The following RFX3 variants were observed in gnomAD, a reference collection of about 807,000 sequenced individuals.
RFX3 encodes the protein regulatory factor X3, also known as transcription factor RFX3.
In RFX3, 14 loss-of-function variants were observed where a neutral mutation model predicts 98.6. That is an observed-to-expected ratio of 0.14 (90% confidence interval 0.09 to 0.22). The LOEUF is 0.22. Ranked by LOEUF, RFX3 falls within the 10% of genes least tolerant of loss-of-function variation. RFX3 has a pLI of 1.00. For missense variants in RFX3, 639 were observed against 926.9 expected (o/e 0.69, Z 4.03); for synonymous variants, 383 against 328.4 (o/e 1.17, Z -1.80).
At chr9:3,521,873 T>C (rs1818746975) in intron 1 of RFX3, among the ~76,000 whole-genome samples, 1 of 152,170 alleles carries the variant, frequency 6.6e-6, no homozygotes. Flanking sequence ...CTTGGGTGTG[T>C]AAAATGTTCC....
chr9:3,515,365 C>T (rs1417823812), intron 1 of RFX3, among the ~76,000 whole-genome samples: 1 of 152,100 alleles, frequency 6.6e-6, no homozygotes, highest in Admixed American at 6.5e-5. Flanking sequence ...AAACAGAATG[C>T]CCGTCTTCAC....
intron 16 of RFX3, among the ~76,000 whole-genome samples, chr9:3,228,092 G>A (rs1257945775): frequency 1.3e-5 from 2 of 152,054 alleles, no homozygotes; most frequent in East Asian, 3.9e-4. Flanking sequence ...TAAAAGAAAG[G>A]GCTCTGTTTC....
At chr9:3,438,859 C>T (rs1216737440) in intron 1 of RFX3, among the ~76,000 whole-genome samples, 1 of 151,788 alleles carries the variant, frequency 6.6e-6, no homozygotes. Context: ...TGATTATGCA[C>T]CAAATAACAG....
rs541748145 is a variant in RFX3 at position 3,504,928 on chromosome 9, T to C, written c.-9+20819A>G. On this transcript the variant is annotated intron_variant, in intron 1 of 16. Transcript: ENST00000617270. ...TATATATATATAATATAACATATAT[T>C]ATATATAATATATATAATATAATAT... Among the ~76,000 whole-genome samples the C allele has an allele frequency of 7.5e-4, 50 of 66,312 alleles. No homozygotes were observed. In the South Asian group the frequency reaches 0.01, roughly 13 times the overall value. The allele number at this position is 66,312 out of a possible 152,430, so 43.5% of individuals were successfully genotyped here.
At chr9:3,298,987 A>C (rs922880807) in intron 5 of RFX3, among the ~76,000 whole-genome samples, 1 of 151,728 alleles carries the variant, frequency 6.6e-6, no homozygotes, top group Non-Finnish European at 1.5e-5. Flanking sequence ...TTACATAATA[A>C]AATTGATCCT....
intron 1 of RFX3, among the ~76,000 whole-genome samples, chr9:3,512,789 C>A (rs895055917): frequency 3.9e-5 from 6 of 151,966 alleles, no homozygotes; most frequent in African/African-American, 1.4e-4. Context: ...AGAAATTGTT[C>A]ATTCAATAAA....
intron 12 of RFX3, among the ~76,000 whole-genome samples, chr9:3,264,219 T>A (rs1427244326): frequency 6.6e-6 from 1 of 152,206 alleles, no homozygotes; most frequent in African/African-American, 2.4e-5. Context: ...AATGTCTACA[T>A]GAAATCTAAA....
chr9:3,513,633 G>C (rs1303786001), intron 1 of RFX3, among the ~76,000 whole-genome samples: 1 of 152,176 alleles, frequency 6.6e-6, no homozygotes, highest in African/African-American at 2.4e-5. Flanking sequence ...TTACTTCAAA[G>C]TTTATCACGG....
intron 13 of RFX3, 68 bp from the exon 14 acceptor site, chr9:3,257,267 C>CACACT (rs1822257509): frequency 7.7e-7 from 1 of 1,300,642 alleles, no homozygotes; most frequent in Admixed American, 1.8e-5. Flanking sequence ...TGCCAGCACA[C>CACACT]ACACTAGATG....
intron 12 of RFX3, among the ~76,000 whole-genome samples, chr9:3,265,714 CA>C (rs1157073566): frequency 6.6e-6 from 1 of 152,030 alleles, no homozygotes. Flanking sequence ...ACTTTATTCA[CA>C]AAAGCATTCT....
chr9:3,394,731 T>C, intron 2 of RFX3: 1 of 690,584 alleles, frequency 1.4e-6, no homozygotes, highest in Non-Finnish European at 1.8e-6. Context: ...AGGCAAATCT[T>C]GAATCTCAAG....
chr9:3,521,999 G>A (rs1818763544), intron 1 of RFX3, among the ~76,000 whole-genome samples: 2 of 151,614 alleles, frequency 1.3e-5, no homozygotes, highest in Non-Finnish European at 2.9e-5. Context: ...AGAAATAAAA[G>A]TTATGTTAAA....
At chr9:3,408,457 A>G (rs1473820023) in intron 1 of RFX3, among the ~76,000 whole-genome samples, 2 of 152,148 alleles carry the variant, frequency 1.3e-5, no homozygotes, top group East Asian at 1.9e-4. Flanking sequence ...AAATGCTTAT[A>G]TAGAACATAC....
chr9:3,368,867 A>T (rs891975519), intron 2 of RFX3, among the ~76,000 whole-genome samples: 1 of 152,224 alleles, frequency 6.6e-6, no homozygotes, highest in Non-Finnish European at 1.5e-5. Context: ...TCCTTGCAAA[A>T]ACAGTGGTAA....
intron 1 of RFX3, among the ~76,000 whole-genome samples, chr9:3,474,471 C>T (rs866845249): frequency 1.6e-4 from 25 of 152,228 alleles, no homozygotes; most frequent in Middle Eastern, 6.8e-3. Context: ...AAGGAAATTC[C>T]GTGATTGTCT....
In RFX3 at chr9:3,497,015, G is replaced by A. The variant is rs138297280; in HGVS notation, c.-9+28732C>T. Among the ~76,000 whole-genome samples the A allele has an allele frequency of 2.7e-3, 410 of 152,040 alleles. 1 individual carries two copies. Among genetic ancestry groups the A allele is most frequent in the Middle Eastern group, 0.01 (3 of 294 alleles). On this transcript the variant is annotated intron_variant, in intron 1 of 16. Coordinates refer to ENST00000617270, the MANE Select transcript of RFX3 (RefSeq NM_001282116.2). ...CAAAAATCTACATTCAAGATTAGTTGCAGGAGGTAATCTTCCCACAAATCT... is the reference window on the plus strand; with the variant it reads ...CAAAAATCTACATTCAAGATTAGTTACAGGAGGTAATCTTCCCACAAATCT...
At chr9:3,516,487 C>T (rs772905855) in intron 1 of RFX3, among the ~76,000 whole-genome samples, 25 of 152,078 alleles carry the variant, frequency 1.6e-4, no homozygotes, top group Admixed American at 7.9e-4. Flanking sequence ...TAACTATTAC[C>T]GATGGAAAAA....
At chr9:3,311,614 G>A (rs1439024525) in intron 4 of RFX3, among the ~76,000 whole-genome samples, 1 of 152,204 alleles carries the variant, frequency 6.6e-6, no homozygotes, top group Admixed American at 6.5e-5. Context: ...ACCGGGCGTG[G>A]TGGCTCTCAC....
chr9:3,295,198 G>A (rs1475550076), intron 5 of RFX3, among the ~76,000 whole-genome samples: 1 of 151,838 alleles, frequency 6.6e-6, no homozygotes, highest in Non-Finnish European at 1.5e-5. Context: ...CAGGGGGACA[G>A]CATGTCTCTT....
Sources: allele counts gnomAD v4.1 joint callset (sites outside exome capture counted in the v4.1 genomes callset), GRCh38; gene constraint gnomAD v4.1.1; transcripts MANE v1.5; gene names NCBI Gene and HGNC (gene_info 2026-07-23, HGNC 2026-07-21).